The following NCOR2 variants were observed in gnomAD, a reference collection of about 807,000 sequenced individuals.
The protein encoded by NCOR2 is nuclear receptor corepressor 2, also known as CTG repeat protein 26.
In NCOR2, 81 loss-of-function variants were observed where a neutral mutation model predicts 262.9. The ratio of observed to expected loss-of-function variants is 0.31; its 90% confidence interval spans 0.26 to 0.37. NCOR2 has a LOEUF of 0.37. Ranked by LOEUF, NCOR2 falls within the 10% of genes least tolerant of loss-of-function variation. The probability of loss-of-function intolerance (pLI) is 1.00; values close to 1 mark genes in which losing one functional copy is unlikely to be tolerated. For missense variants in NCOR2, 3,385 were observed against 3,621.4 expected, an observed-to-expected ratio of 0.93 and a Z score of 1.68; for synonymous variants, 1,659 against 1,559.3, an observed-to-expected ratio of 1.06 and a Z score of -1.51.
chr12:124,355,580 C>T lies in NCOR2; in HGVS notation c.3242-9G>A, dbSNP rs138415793. On this transcript the variant is annotated splice_polypyrimidine_tract_variant and intron_variant, in intron 23 of 46. Coordinates refer to ENST00000405201, the Ensembl canonical transcript of NCOR2. Reference sequence around the variant, plus strand: ...CAGGGGCAGTGGGTGACCTGTGGAGCACATGTCTGTCCATTGTGGGGCCCA... The same window carrying T: ...CAGGGGCAGTGGGTGACCTGTGGAGTACATGTCTGTCCATTGTGGGGCCCA... 1,392 of 1,555,302 alleles carry T rather than the reference C, an allele frequency of 9.0e-4. 13 individuals carry two copies. The East Asian group carries it at 0.011, about 13-fold the overall frequency.
At chr12:124,335,006 C>T in intron 40 of NCOR2, 129 bp downstream of exon 42, 4 of 1,417,042 alleles carry the variant, frequency 2.8e-6, no homozygotes, top group South Asian at 2.4e-5. Context: ...TGGATCCCCC[C>T]AGCGCCATGC....
At chr12:124,375,484 T>C (rs2039918371) in intron 18 of NCOR2, among the ~76,000 whole-genome samples, 1 of 152,148 alleles carries the variant, frequency 6.6e-6, no homozygotes, top group Admixed American at 6.5e-5. Flanking sequence ...TCAGCACTTC[T>C]AACAAATCCC....
chr12:124,407,219 A>G (rs1202593222), intron 13 of NCOR2, among the ~76,000 whole-genome samples: 7 of 152,334 alleles, frequency 4.6e-5, no homozygotes, highest in Middle Eastern at 3.4e-3. Context: ...GTGGCCCCCA[A>G]CTGTATGGAG....
intron 16 of NCOR2, among the ~76,000 whole-genome samples, chr12:124,394,522 C>T (rs1049281355): frequency 3.3e-5 from 5 of 152,214 alleles, no homozygotes; most frequent in Non-Finnish European, 4.4e-5. Context: ...CAGATGTGAT[C>T]AAGTCAACGT....
chr12:124,463,117 C>T (rs1376014873), intron 5 of NCOR2, among the ~76,000 whole-genome samples: 1 of 152,234 alleles, frequency 6.6e-6, no homozygotes, highest in African/African-American at 2.4e-5. Context: ...TACCAGCAAC[C>T]TGTGCTGCAC....
At chr12:124,343,963 G>T (rs963415261) in intron 32 of NCOR2, among the ~76,000 whole-genome samples, 1 of 152,202 alleles carries the variant, frequency 6.6e-6, no homozygotes, top group Non-Finnish European at 1.5e-5. Flanking sequence ...CATGTGATAT[G>T]AACTGGAGAT....
Position 124,523,323 on chromosome 12 carries a change from G to A in NCOR2, c.-118+12242C>T, listed in dbSNP as rs1017201566. On this transcript the variant is annotated intron_variant, in intron 1 of 46. Transcript: ENST00000404621. The surrounding 1 kb of genome is among the most constrained non-coding windows in gnomAD (Gnocchi z 4.0). ...CAGCAACTGGCAAGGACGGCTGGGG[G>A]CAGGGGGCAGGTGGCTGCCTGTTCT... Among the ~76,000 whole-genome samples the A allele has an allele frequency of 6.6e-6, 1 of 152,302 alleles. No homozygotes were observed. Among genetic ancestry groups the A allele is most frequent in the South Asian group, 2.1e-4 (1 of 4,830 alleles).
intron 16 of NCOR2, 84 bp from the exon 19 acceptor site, chr12:124,385,971 G>A: frequency 6.6e-7 from 1 of 1,508,722 alleles, no homozygotes; most frequent in South Asian, 1.3e-5. Context: ...GCGGCAAACG[G>A]GCCTGGAGCA....
intron 16 of NCOR2, among the ~76,000 whole-genome samples, chr12:124,395,667 G>A (rs887854277): frequency 3.3e-5 from 5 of 152,154 alleles, no homozygotes; most frequent in Non-Finnish European, 5.9e-5. Flanking sequence ...GGCAGGCACT[G>A]TCTTCCCAGT....
intron 13 of NCOR2, among the ~76,000 whole-genome samples, chr12:124,416,555 C>G (rs1399741129): frequency 6.6e-6 from 1 of 151,288 alleles, no homozygotes; most frequent in African/African-American, 2.4e-5. Flanking sequence ...CAGGGAGACC[C>G]GCGGCACAGA....
chr12:124,527,423 TA>T (rs540658169), intron 1 of NCOR2, among the ~76,000 whole-genome samples: 150 of 152,166 alleles, frequency 9.9e-4, no homozygotes, highest in Admixed American at 1.6e-3. Flanking sequence ...ATTTTTTATT[TA>T]TTTTTTTTTT....
At chr12:124,425,048 C>A (rs1333204366) in intron 11 of NCOR2, among the ~76,000 whole-genome samples, 1 of 152,218 alleles carries the variant, frequency 6.6e-6, no homozygotes, top group African/African-American at 2.4e-5. Flanking sequence ...TTAAATGCGG[C>A]CCAATACAAA....
rs534321396 is a variant in NCOR2, at chr12:124,385,253, G to A, written c.2019+492C>T. Among the ~76,000 whole-genome samples, 6 of 152,282 alleles carry A rather than the reference G, an allele frequency of 3.9e-5. No individual in the cohort carries two copies. The East Asian group carries it at 1.2e-3, about 29-fold the overall frequency. The stretch of plus-strand genomic sequence containing the variant: ...TGCCTCAAGCCCTCCAGGATGCTGG[G>A]GCTGAGACGTCCGCCCCCGCCCCCC... On this transcript the variant is annotated intron_variant, in intron 17 of 46. Transcript: ENST00000405201.
chr12:124,546,112 C>A (rs866933495), intron 1 of NCOR2, among the ~76,000 whole-genome samples: 4 of 152,136 alleles, frequency 2.6e-5, no homozygotes, highest in Non-Finnish European at 4.4e-5. Context: ...GTCTGAGACC[C>A]GGGTTCAAAA....
exon 43 of NCOR2, chr12:124,332,443 G>T (rs781284408): frequency 1.2e-6 from 2 of 1,614,220 alleles, no homozygotes; most frequent in Admixed American, 1.7e-5. Context: ...GGCTGGTGTT[G>T]CCTGGAGACT....
chr12:124,353,191 G>C (rs1306077199), intron 27 of NCOR2, among the ~76,000 whole-genome samples: 3 of 152,326 alleles, frequency 2.0e-5, no homozygotes, highest in African/African-American at 7.2e-5. Context: ...GAACTTCAAA[G>C]GTCCCTACGA....
At chr12:124,565,139 C>T (rs1422832771) in intron 1 of NCOR2, among the ~76,000 whole-genome samples, 1 of 152,162 alleles carries the variant, frequency 6.6e-6, no homozygotes, top group Non-Finnish European at 1.5e-5. Context: ...CATCCCTCAC[C>T]AGGGCCTGAC....
intron 14 of NCOR2, among the ~76,000 whole-genome samples, chr12:124,402,042 C>G (rs543914918): frequency 4.1e-4 from 63 of 152,292 alleles, no homozygotes; most frequent in Middle Eastern, 6.8e-3. Flanking sequence ...CCCTTTCCCC[C>G]TTCCTGGCGC....
At position 124,422,562 on chromosome 12, in the gene NCOR2, G is replaced by C. The variant is rs1011699634; in HGVS notation, c.1329-7C>G. 5 of 1,613,770 alleles carry C rather than the reference G, an allele frequency of 3.1e-6. No homozygotes were observed. The African/African-American group carries it at 6.7e-5, about 22-fold the overall frequency. On this transcript the variant is annotated splice_polypyrimidine_tract_variant and splice_region_variant and intron_variant, in intron 11 of 46. Transcript: ENST00000405201. ...CTTGGGATGCTGCATGAACCTGCGG[G>C]ACGAGAAGGGTGGGCGTGAGACCTG... is the stretch of plus-strand genomic sequence containing the variant.
Sources: allele counts gnomAD v4.1 joint callset (sites outside exome capture counted in the v4.1 genomes callset), GRCh38; gene constraint gnomAD v4.1.1; non-coding constraint Gnocchi (gnomAD v3.1); transcripts MANE v1.5; gene names NCBI Gene and HGNC (gene_info 2026-07-23, HGNC 2026-07-21).